The following EXD3 variants were observed in gnomAD, a reference collection of about 807,000 sequenced individuals.
EXD3 encodes exonuclease mut-7 homolog.
EXD3 carries 92 observed loss-of-function variants against 98.0 expected under a neutral mutation model. That is an observed-to-expected ratio of 0.94 (90% CI 0.79 to 1.12). The LOEUF is 1.12. EXD3 is among the 50% of genes most tolerant of loss of function. The probability of loss-of-function intolerance (pLI) is 0.00; values close to 1 mark genes in which losing one functional copy is unlikely to be tolerated. For missense variants in EXD3, 1,222 were observed against 1,191.6 expected, an observed-to-expected ratio of 1.03 and a Z score of -0.38; for synonymous variants, 569 against 526.0, an observed-to-expected ratio of 1.08 and a Z score of -1.12.
intron 3 of EXD3, among the ~76,000 whole-genome samples, chr9:137,382,440 C>T (rs1329965051): frequency 6.6e-6 from 1 of 151,998 alleles, no homozygotes; most frequent in Admixed American, 6.6e-5. Flanking sequence ...ACGCAGGTGC[C>T]AAAGAGCGAG....
At chr9:137,410,153 C>T (rs2131821445) in intron 1 of EXD3, among the ~76,000 whole-genome samples, 1 of 151,942 alleles carries the variant, frequency 6.6e-6, no homozygotes, top group African/African-American at 2.4e-5. Flanking sequence ...TCCAGCTGGG[C>T]AACAGGAGCT....
At chr9:137,352,281 C>A in intron 11 of EXD3, 80 bp from the exon 12 acceptor site, 1 of 1,578,560 alleles carries the variant, frequency 6.3e-7, no homozygotes, top group South Asian at 1.1e-5. Context: ...GGGGAGCATT[C>A]AGGGCCTGTT....
chr9:137,395,275 G>A lies in EXD3; in HGVS notation c.55+28C>T, dbSNP rs1482958611. The A allele has an allele frequency of 1.2e-6, 2 of 1,603,272 alleles. No individual in the cohort carries two copies. Among genetic ancestry groups the A allele is most frequent in the African/African-American group, 2.7e-5 (2 of 74,602 alleles). On this transcript the variant is annotated intron_variant, in intron 2 of 21. Coordinates refer to ENST00000340951, the MANE Select transcript of EXD3 (RefSeq NM_017820.5). This position sits in a 1 kb window ranked among gnomAD's most constrained non-coding sequence, Gnocchi z 6.5. Reference sequence around the variant, plus strand: ...GCACCTCCCCCCACAGCCCCAGGGAGACTCGGCACCATCAGGCTCAGACTC... The same window carrying A: ...GCACCTCCCCCCACAGCCCCAGGGAAACTCGGCACCATCAGGCTCAGACTC...
At chr9:137,396,926 T>C (rs1204647980) in intron 1 of EXD3, among the ~76,000 whole-genome samples, 1 of 152,234 alleles carries the variant, frequency 6.6e-6, no homozygotes, top group African/African-American at 2.4e-5. Context: ...CCAGGACAGC[T>C]GCTCCCCACG....
intron 8 of EXD3, among the ~76,000 whole-genome samples, 194 bp from the exon 9 acceptor site, chr9:137,354,967 C>G (rs145660336): frequency 6.6e-6 from 1 of 152,214 alleles, no homozygotes; most frequent in African/African-American, 2.4e-5. Context: ...GGGGTCCCGC[C>G]GGCCCCGGGG....
intron 17 of EXD3, among the ~76,000 whole-genome samples, chr9:137,332,826 A>C (rs980481719): frequency 6.6e-6 from 1 of 152,190 alleles, no homozygotes; most frequent in Admixed American, 6.5e-5. Flanking sequence ...GCCTGGCGAC[A>C]GACTGAGACT....
At chr9:137,355,366 G>A (rs868356591) in intron 8 of EXD3, among the ~76,000 whole-genome samples, 1 of 151,682 alleles carries the variant, frequency 6.6e-6, no homozygotes, top group Non-Finnish European at 1.5e-5. Flanking sequence ...CACCCCCCAC[G>A]CCCAGAGCGC....
intron 1 of EXD3, among the ~76,000 whole-genome samples, chr9:137,402,897 G>A (rs1272562101): frequency 6.6e-6 from 1 of 152,104 alleles, no homozygotes; most frequent in African/African-American, 2.4e-5. Context: ...AGAAAATGAG[G>A]AACCAAAAGT....
chr9:137,398,542 G>GTGT (rs1837321342), intron 1 of EXD3, among the ~76,000 whole-genome samples: 2 of 145,298 alleles, frequency 1.4e-5, no homozygotes, highest in African/African-American at 5.5e-5. Context: ...ACAGGCAACC[G>GTGT]CGTCCCCAAG....
intron 17 of EXD3, among the ~76,000 whole-genome samples, chr9:137,346,900 T>C (rs562341242): frequency 5.9e-5 from 9 of 152,150 alleles, no homozygotes; most frequent in African/African-American, 2.2e-4. Context: ...TGCTGCCACC[T>C]CTGCCTCCCG....
In EXD3 at chr9:137,351,951, C is replaced by A. The variant is rs548663895; in HGVS notation, c.1173+115G>T. 3.0e-6 allele frequency: 4 copies of A among 1,350,496 alleles called. No individual in the cohort carries two copies. The East Asian group carries it at 7.5e-5, about 25-fold the overall frequency. 83.7% of individuals were successfully genotyped at this position (1,350,496 alleles called of 1,614,324 possible). The stretch of plus-strand genomic sequence containing the variant: ...CTCACAGCAGCCCTGGGGCACCTGG[C>A]GGGCTCATGCCCAGAGGCCTTGCCT... On this transcript the variant is annotated intron_variant, in intron 12 of 21. Coordinates refer to ENST00000340951, the MANE Select transcript of EXD3 (RefSeq NM_017820.5).
At chr9:137,416,239 T>C (rs555531819) in intron 1 of EXD3, among the ~76,000 whole-genome samples, 1 of 152,198 alleles carries the variant, frequency 6.6e-6, no homozygotes, top group South Asian at 2.1e-4. Flanking sequence ...GGGTGGCCGC[T>C]CCACCAGGGG....
At position 137,403,709 on chromosome 9, in the gene EXD3, A is replaced by G. The variant is rs1431278865; in HGVS notation, c.-47-8305T>C. On this transcript the variant is annotated intron_variant, in intron 1 of 21. Transcript: ENST00000340951. The surrounding 1 kb of genome is among the most constrained non-coding windows in gnomAD (Gnocchi z 6.1). ...CCAGGGTCTTAGGGCTCCTCCCAGC[A>G]GGGCAGACCCAGCCACGCAGAGCCC... 1.3e-5 allele frequency among the ~76,000 whole-genome samples: 2 copies of G among 152,272 alleles called. No individual in the cohort carries two copies. Among genetic ancestry groups the G allele is most frequent in the African/African-American group, 4.8e-5 (2 of 41,564 alleles).
At chr9:137,399,031 C>A (rs1042792371) in intron 1 of EXD3, among the ~76,000 whole-genome samples, 7 of 152,232 alleles carry the variant, frequency 4.6e-5, no homozygotes, top group East Asian at 1.9e-4. Context: ...ACACCGACAT[C>A]CCCGTGACAT....
At chr9:137,374,301 C>T (rs746465228) in intron 3 of EXD3, among the ~76,000 whole-genome samples, 2 of 152,220 alleles carry the variant, frequency 1.3e-5, no homozygotes, top group African/African-American at 2.4e-5. Context: ...GCGCAGCAGC[C>T]GACACCCGAC....
chr9:137,406,094 T>C (rs146933978), intron 1 of EXD3, among the ~76,000 whole-genome samples: 10 of 151,574 alleles, frequency 6.6e-5, no homozygotes, highest in Non-Finnish European at 1.2e-4. Flanking sequence ...CATGCACCTG[T>C]AGTCCCAGCT....
intron 5 of EXD3, 112 bp from the exon 6 acceptor site, chr9:137,368,101 T>A (rs1027133114): frequency 1.2e-5 from 10 of 857,172 alleles, no homozygotes; most frequent in Non-Finnish European, 1.8e-5. Flanking sequence ...GAGGCCGGAG[T>A]GCAGGGCCTT....
intron 21 of EXD3, 24 bp downstream of exon 21, chr9:137,307,584 T>C: frequency 6.2e-7 from 1 of 1,608,666 alleles, no homozygotes; most frequent in South Asian, 1.1e-5. Context: ...AGCTGTGTCC[T>C]TGGTGGGCGG....
chr9:137,317,553 G>A (rs933932359), intron 19 of EXD3, among the ~76,000 whole-genome samples: 53 of 152,110 alleles, frequency 3.5e-4, no homozygotes, highest in African/African-American at 1.3e-3. Context: ...CTGGGCTCTG[G>A]CTGAGACCCA....
Sources: allele counts gnomAD v4.1 joint callset (sites outside exome capture counted in the v4.1 genomes callset), GRCh38; gene constraint gnomAD v4.1.1; non-coding constraint Gnocchi (gnomAD v3.1); transcripts MANE v1.5; gene names NCBI Gene and HGNC (gene_info 2026-07-23, HGNC 2026-07-21).